AFF3: variants seen among roughly 807,000 people sequenced by gnomAD.
AFF3 encodes ALF transcription elongation factor 3.
Under a neutral mutation model 129.7 loss-of-function variants are expected in AFF3, and 32 were observed. The observed-to-expected ratio is 0.25, with a 90% CI of 0.19 to 0.33. The LOEUF is 0.33. AFF3 is among the 10% of genes least tolerant of loss of function. The pLI is 1.00. For missense variants in AFF3, 1,373 were observed against 1,592.0 expected (o/e 0.86, Z 2.34); for synonymous variants, 644 against 635.4 (o/e 1.01, Z -0.20).
chr2:99,782,455 G>A (rs568519028), intron 8 of AFF3, among the ~76,000 whole-genome samples: 1 of 152,352 alleles, frequency 6.6e-6, no homozygotes, highest in East Asian at 1.9e-4. Flanking sequence ...CACTGCCTGA[G>A]CTGTGCTGCC....
At chr2:99,640,385 G>C (rs1245914524) in intron 13 of AFF3, among the ~76,000 whole-genome samples, 1 of 151,878 alleles carries the variant, frequency 6.6e-6, no homozygotes, top group African/African-American at 2.4e-5. Flanking sequence ...ATCATATGGA[G>C]GGAGAAAGGA....
intron 24 of AFF3, among the ~76,000 whole-genome samples, chr2:99,551,964 C>G (rs1470205292): frequency 6.6e-6 from 1 of 152,178 alleles, no homozygotes; most frequent in Non-Finnish European, 1.5e-5. Context: ...ATGCGCTGAG[C>G]CCCTGGAGTG....
At chr2:99,975,721 T>C (rs1315151099) in intron 7 of AFF3, among the ~76,000 whole-genome samples, 1 of 150,606 alleles carries the variant, frequency 6.6e-6, no homozygotes, top group Non-Finnish European at 1.5e-5. Flanking sequence ...CAGCCCTTTT[T>C]GCCAACATCT....
intron 7 of AFF3, among the ~76,000 whole-genome samples, chr2:99,894,141 T>C (rs2106101049): frequency 6.6e-6 from 1 of 151,278 alleles, no homozygotes; most frequent in Non-Finnish European, 1.5e-5. Flanking sequence ...TAGGCATAAA[T>C]GGGTTAAACA....
intron 7 of AFF3, among the ~76,000 whole-genome samples, chr2:99,926,550 G>C (rs181546784): frequency 6.6e-6 from 1 of 152,098 alleles, no homozygotes; most frequent in African/African-American, 2.4e-5. Context: ...ATTAGAATAC[G>C]GATTAGCTGT....
chr2:100,125,650 G>T (rs1396095847), intron 2 of AFF3, among the ~76,000 whole-genome samples: 1 of 152,030 alleles, frequency 6.6e-6, no homozygotes, highest in African/African-American at 2.4e-5. Context: ...ATCTGTAATT[G>T]TGAAAACTAT....
intron 7 of AFF3, among the ~76,000 whole-genome samples, chr2:99,891,888 T>C (rs1324927226): frequency 6.6e-6 from 1 of 151,530 alleles, no homozygotes; most frequent in Non-Finnish European, 1.5e-5. Flanking sequence ...ACTGGCATGA[T>C]CTCAGCTCAC....
At chr2:99,809,721 A>C (rs1402933511) in intron 8 of AFF3, among the ~76,000 whole-genome samples, 1 of 151,992 alleles carries the variant, frequency 6.6e-6, no homozygotes, top group East Asian at 1.9e-4. Flanking sequence ...AAAACAAGAA[A>C]CCACTTTCCT....
intron 4 of AFF3, among the ~76,000 whole-genome samples, chr2:100,028,709 A>G (rs537227149): frequency 6.6e-6 from 1 of 152,260 alleles, no homozygotes; most frequent in Non-Finnish European, 1.5e-5. Flanking sequence ...TTAAACATTT[A>G]TTATTCCTTA....
At chr2:99,895,082 C>G (rs1693843036) in intron 7 of AFF3, among the ~76,000 whole-genome samples, 1 of 152,146 alleles carries the variant, frequency 6.6e-6, no homozygotes, top group Non-Finnish European at 1.5e-5. Context: ...ATGATTACAC[C>G]ACGATTTACT....
intron 12 of AFF3, among the ~76,000 whole-genome samples, chr2:99,669,549 A>T (rs1460404041): frequency 6.6e-5 from 10 of 152,370 alleles, no homozygotes; most frequent in Admixed American, 4.6e-4. Context: ...GAAAGTGGTT[A>T]TTCTTCTGCA....
At chr2:99,879,327 CTTATTTAAATTCTGACTGTGAACAG>C (rs2106005361) in intron 7 of AFF3, among the ~76,000 whole-genome samples, 1 of 152,270 alleles carries the variant, frequency 6.6e-6, no homozygotes, top group Non-Finnish European at 1.5e-5. Context: ...CATCTTCCAG[CTTATTTAAATTCTGACTGTGAACAG>C]GGACCATGTT....
chr2:99,690,158 A>T (rs1322778065), intron 11 of AFF3, among the ~76,000 whole-genome samples: 7 of 42,072 alleles, frequency 1.7e-4, no homozygotes, highest in African/African-American at 2.5e-4. Flanking sequence ...CACAATCTTT[A>T]TTATTATTAT....
At chr2:99,928,225 G>A (rs1696417327) in intron 7 of AFF3, among the ~76,000 whole-genome samples, 1 of 152,168 alleles carries the variant, frequency 6.6e-6, no homozygotes, top group Admixed American at 6.5e-5. Flanking sequence ...AGTCTACATA[G>A]CTATTGTGGG....
chr2:99,878,903 T>C (rs900309745), intron 7 of AFF3, among the ~76,000 whole-genome samples: 2 of 152,220 alleles, frequency 1.3e-5, no homozygotes, highest in South Asian at 4.1e-4. Context: ...ATGGACTGTC[T>C]TTCAAATATC....
At chr2:99,641,437 G>A (rs1453513526) in intron 13 of AFF3, among the ~76,000 whole-genome samples, 1 of 152,162 alleles carries the variant, frequency 6.6e-6, no homozygotes, top group Non-Finnish European at 1.5e-5. Context: ...CAGCACTTTG[G>A]GAGGCTGGGG....
intron 7 of AFF3, among the ~76,000 whole-genome samples, chr2:99,900,882 G>A (rs796470488): frequency 6.6e-6 from 1 of 152,316 alleles, no homozygotes; most frequent in East Asian, 1.9e-4. Context: ...GCTCAATTCC[G>A]TGACGGCAGG....
intron 10 of AFF3, among the ~76,000 whole-genome samples, chr2:99,743,647 T>C (rs1290953533): frequency 6.6e-6 from 1 of 152,244 alleles, no homozygotes; most frequent in African/African-American, 2.4e-5. Flanking sequence ...TAGTTGAGTC[T>C]GTCTATTTCT....
In AFF3 at chr2:99,549,636, T is replaced by C. The variant is rs778000850; in HGVS notation, c.*1838A>G. 6.3e-5 allele frequency: 13 copies of C among 207,316 alleles called. No homozygotes were observed. The highest frequency in any genetic ancestry group is 1.3e-4 in the Non-Finnish European group (13 of 101,782). The allele number at this position is 207,316 out of a possible 1,614,324, so 12.8% of individuals were successfully genotyped here. A position where few individuals can be genotyped will look rare whatever the true frequency, so the allele number is the denominator to read the frequency against. On this transcript the variant is annotated 3_prime_UTR_variant, in exon 25 of 25. Coordinates refer to ENST00000672756, the MANE Select transcript of AFF3 (RefSeq NM_001386135.1). ...GCACCCCAGTTGGAGACATGTAAAA[T>C]GGAAATTCTCTTAATATTTCCAAAT...
Sources: gnomAD v4.1 joint callset for allele counts (sites outside exome capture counted in the v4.1 genomes callset) on GRCh38, gnomAD v4.1.1 for gene constraint, MANE v1.5 for transcripts, NCBI Gene and HGNC (gene_info 2026-07-23, HGNC 2026-07-21) for gene names.